GLG1: variants seen among roughly 807,000 people sequenced by gnomAD.
The protein encoded by GLG1 is golgi glycoprotein 1.
A neutral mutation model predicts 160.5 loss-of-function variants in GLG1; 38 were observed. The ratio of observed to expected loss-of-function variants is 0.24; its 90% confidence interval spans 0.18 to 0.31. The LOEUF (loss-of-function observed/expected upper bound fraction) is 0.31. GLG1 is among the 10% of genes least tolerant of loss of function. The pLI is 1.00. For synonymous variants in GLG1, 644 were observed against 543.4 expected, an observed-to-expected ratio of 1.19 and a Z score of -2.57; for missense variants, 1,373 against 1,505.2, an observed-to-expected ratio of 0.91 and a Z score of 1.45.
chr16:74,462,889 T>C, intron 20 of GLG1: 1 of 490,220 alleles, frequency 2.0e-6, no homozygotes. Context: ...CTCTAAGGAG[T>C]CCTCAGAAAA....
chr16:74,457,764 T>C, intron 24 of GLG1, 110 bp downstream of exon 24: 1 of 963,000 alleles, frequency 1.0e-6, no homozygotes, highest in South Asian at 1.9e-5. Flanking sequence ...ATGACTGGGC[T>C]ACAACTACAG....
rs550482536 is a variant in GLG1 at position 74,515,548 on chromosome 16, T to G, written c.472-6623A>C. 1.6e-4 allele frequency among the ~76,000 whole-genome samples: 25 copies of G among 152,130 alleles called. No homozygotes were observed. In the East Asian group the frequency reaches 4.8e-3, roughly 29 times the overall value. On this transcript the variant is annotated intron_variant, in intron 2 of 25. Coordinates refer to ENST00000422840, the MANE Select transcript of GLG1 (RefSeq NM_001145667.2). ...GAACAACCTGCTCCTGAATGACTAC[T>G]GGGTAAATAACGAAATGAAGGCAGG... is the stretch of plus-strand genomic sequence containing the variant.
At chr16:74,556,307 A>G (rs951299297) in intron 1 of GLG1, among the ~76,000 whole-genome samples, 1 of 152,236 alleles carries the variant, frequency 6.6e-6, no homozygotes, top group Non-Finnish European at 1.5e-5. Context: ...GCTATTGATT[A>G]TCTTACCATT....
intron 19 of GLG1, among the ~76,000 whole-genome samples, chr16:74,465,177 A>T (rs1195843962): frequency 6.6e-6 from 1 of 152,210 alleles, no homozygotes; most frequent in East Asian, 1.9e-4. Context: ...AGATCAGGGA[A>T]CTGACATCTA....
chr16:74,487,807 C>G (rs1364309554), intron 8 of GLG1, among the ~76,000 whole-genome samples: 2 of 152,162 alleles, frequency 1.3e-5, no homozygotes. Context: ...TGAATGCCCT[C>G]TAGAGCCTAG....
intron 25 of GLG1, 43 bp downstream of exon 25, chr16:74,456,606 A>AT (rs760439885): frequency 9.2e-6 from 11 of 1,195,974 alleles, no homozygotes; most frequent in African/African-American, 9.1e-5. Context: ...AGTGTTCCAT[A>AT]TTTTTTTGTT....
At chr16:74,514,892 G>A (rs939080271) in intron 2 of GLG1, among the ~76,000 whole-genome samples, 8 of 151,810 alleles carry the variant, frequency 5.3e-5, no homozygotes, top group East Asian at 1.9e-4. Flanking sequence ...TTCAGGAGAC[G>A]CATCTCATGT....
intron 19 of GLG1, chr16:74,463,925 A>G: frequency 5.3e-6 from 1 of 187,640 alleles, no homozygotes. Flanking sequence ...AATGTAGAAG[A>G]ACAAATAAAT....
chr16:74,465,057 T>G (rs2014949610), intron 19 of GLG1, among the ~76,000 whole-genome samples: 1 of 152,080 alleles, frequency 6.6e-6, no homozygotes, highest in Admixed American at 6.5e-5. Context: ...CAGGCTGGTC[T>G]CGAACTCCTG....
At chr16:74,545,444 G>T (rs1479377554) in intron 1 of GLG1, among the ~76,000 whole-genome samples, 1 of 152,140 alleles carries the variant, frequency 6.6e-6, no homozygotes, top group Non-Finnish European at 1.5e-5. Context: ...GCCTCCCAAA[G>T]TGCTGGGATT....
In GLG1 at chr16:74,560,326, C is replaced by CTTT. The variant is rs66983409; in HGVS notation, c.439-28176_439-28174dup. 3.5e-4 allele frequency among the ~76,000 whole-genome samples: 42 copies of CTTT among 118,394 alleles called. 1 individual carries two copies. Among genetic ancestry groups the CTTT allele is most frequent in the African/African-American group, 5.8e-4 (18 of 31,022 alleles). 77.7% of individuals were successfully genotyped at this position (118,394 alleles called of 152,430 possible). On this transcript the variant is annotated intron_variant, in intron 1 of 25. Coordinates refer to ENST00000422840, the MANE Select transcript of GLG1 (RefSeq NM_001145667.2). ...TTTGAATTGGGACCTCAGTTTTTGT[C>CTTT]TTTTTTTTTTTTTTTTTTTGAGACG...
Position 74,467,848 on chromosome 16 carries a change from T to C in GLG1, c.2437A>G (p.Thr813Ala). The change falls in exon 18 of 26, where the codon ACG becomes GCG. Residue 813 changes from threonine to alanine, a missense_variant and splice_region_variant. Physicochemically the swap from Thr to Ala is moderately conservative, Grantham distance 58. Transcript: ENST00000422840. ...TCTGGCTCCAAGCGGATGTCCTCCG[T>C]CTGCATGAGGGAGCCAGCATGGAAA... ...RQLRVEELEMTEDIRLEPDLY... is the reference protein window; with the variant it reads ...RQLRVEELEMAEDIRLEPDLY... 2 of 1,605,516 alleles carry C rather than the reference T, an allele frequency of 1.2e-6. No individual in the cohort carries two copies. The highest frequency in any genetic ancestry group is 1.1e-5 in the South Asian group (1 of 90,456).
intron 1 of GLG1, among the ~76,000 whole-genome samples, chr16:74,541,297 C>A (rs1174709211): frequency 1.4e-5 from 2 of 138,662 alleles, no homozygotes; most frequent in African/African-American, 5.4e-5. Flanking sequence ...ACACTCCAGC[C>A]TAGGTAGCAG....
rs1327823487 is a variant in GLG1, at chr16:74,453,077, T to A, written c.*90A>T. 3.9e-6 allele frequency: 6 copies of A among 1,543,542 alleles called. No homozygotes were observed. Reference sequence around the variant, plus strand: ...TCTAACACGGGGTTGGTGTCACTTCTGAGAAGAGCGAGGTGAGTGGGGATG... The same window carrying A: ...TCTAACACGGGGTTGGTGTCACTTCAGAGAAGAGCGAGGTGAGTGGGGATG... On this transcript the variant is annotated 3_prime_UTR_variant, in exon 26 of 26. Transcript: ENST00000422840.
chr16:74,598,297 G>C (rs867570867), intron 1 of GLG1, among the ~76,000 whole-genome samples: 63 of 151,928 alleles, frequency 4.1e-4, no homozygotes, highest in Admixed American at 1.6e-3. Context: ...CAAGGCGGGC[G>C]GATCACGAGG....
chr16:74,547,709 T>TA (rs1229474332), intron 1 of GLG1, among the ~76,000 whole-genome samples: 1 of 152,258 alleles, frequency 6.6e-6, no homozygotes, highest in Non-Finnish European at 1.5e-5. Context: ...CCATAAAAAT[T>TA]AGAGTCCTAT....
chr16:74,492,375 AAAAAG>A (rs1389974708), intron 7 of GLG1, among the ~76,000 whole-genome samples: 4 of 151,526 alleles, frequency 2.6e-5, no homozygotes, highest in Non-Finnish European at 4.4e-5. Context: ...CAAAAAAAAA[AAAAAG>A]AAAAGACAAG....
At chr16:74,544,335 CAG>C (rs2017983377) in intron 1 of GLG1, among the ~76,000 whole-genome samples, 1 of 152,182 alleles carries the variant, frequency 6.6e-6, no homozygotes, top group Non-Finnish European at 1.5e-5. Flanking sequence ...TGTTTTGAGA[CAG>C]AGTTTCACTC....
rs1015879785 is a variant in GLG1, at chr16:74,524,852, A to C, written c.471+7269T>G. Among the ~76,000 whole-genome samples, 3 of 152,208 alleles carry C rather than the reference A, an allele frequency of 2.0e-5. No homozygotes were observed. In the East Asian group the frequency reaches 5.8e-4, roughly 29 times the overall value. On this transcript the variant is annotated intron_variant, in intron 2 of 25. Coordinates refer to ENST00000422840, the MANE Select transcript of GLG1 (RefSeq NM_001145667.2). ...CCCCAAAAGAAACTCTGTATCTATT[A>C]GCAGTCACCTACCATTCCCCACTTC...
Sources: gnomAD v4.1 joint callset for allele counts (sites outside exome capture counted in the v4.1 genomes callset) on GRCh38, gnomAD v4.1.1 for gene constraint, MANE v1.5 for transcripts, NCBI Gene and HGNC (gene_info 2026-07-23, HGNC 2026-07-21) for gene names.